BLACAT1: variants seen among roughly 807,000 people sequenced by gnomAD.
The protein encoded by BLACAT1 is bladder cancer associated transcript 1.
At chr1:205,452,361 A>G (rs1558747931) in intron 1 of BLACAT1, among the ~76,000 whole-genome samples, 1 of 152,138 alleles carries the variant, frequency 6.6e-6, no homozygotes, top group African/African-American at 2.4e-5. Context: ...TTTGCCAGAA[A>G]AGTGAACCAT....
chr1:205,438,918 C>A (rs74490805), downstream of BLACAT1, among the ~76,000 whole-genome samples: 2 of 152,170 alleles, frequency 1.3e-5, no homozygotes, highest in Non-Finnish European at 2.9e-5. Context: ...AAGCTCTCCT[C>A]GGCCACCCGC....
At chr1:205,438,812 G>A (rs375368893), downstream of BLACAT1, among the ~76,000 whole-genome samples, 20 of 152,226 alleles carry the variant, frequency 1.3e-4, no homozygotes, top group East Asian at 3.1e-3. Flanking sequence ...CTGGAGCCAA[G>A]GGAGTTCTCC....
chr1:205,446,778 C>T (rs1666396003), intron 1 of BLACAT1, among the ~76,000 whole-genome samples: 1 of 152,156 alleles, frequency 6.6e-6, no homozygotes, highest in Non-Finnish European at 1.5e-5. Context: ...GGTGAGAGAA[C>T]CCAGAGGGCA....
At chr1:205,444,362 C>A (rs1666348590) in intron 1 of BLACAT1, among the ~76,000 whole-genome samples, 1 of 152,028 alleles carries the variant, frequency 6.6e-6, no homozygotes, top group African/African-American at 2.4e-5. Context: ...GGTCTGGGGG[C>A]ACAGACGATG....
downstream of BLACAT1, among the ~76,000 whole-genome samples, chr1:205,438,235 T>A (rs144600058): frequency 3.0e-3 from 454 of 152,262 alleles, 2 homozygotes; most frequent in African/African-American, 0.011. Flanking sequence ...CAAGGAGGAA[T>A]CAGTGCCACG....
At chr1:205,443,843 C>A (rs924474236) in intron 1 of BLACAT1, among the ~76,000 whole-genome samples, 1 of 152,186 alleles carries the variant, frequency 6.6e-6, no homozygotes, top group African/African-American at 2.4e-5. Flanking sequence ...CGTATCCCTG[C>A]CCGCTGTGAA....
intron 1 of BLACAT1, among the ~76,000 whole-genome samples, chr1:205,454,527 A>AGTGTGTGTGTGT (rs746207549): frequency 6.7e-6 from 1 of 149,074 alleles, no homozygotes; most frequent in African/African-American, 2.5e-5. Flanking sequence ...ATCTGGTGTG[A>AGTGTGTGTGTGT]GTGTGTGTGT....
chr1:205,443,518 C>G (rs1377016941), intron 1 of BLACAT1, among the ~76,000 whole-genome samples: 2 of 152,108 alleles, frequency 1.3e-5, no homozygotes, highest in African/African-American at 4.8e-5. Flanking sequence ...ATGAAGCTGG[C>G]CAGGAGCTGG....
At chr1:205,443,110 G>A (rs904750750) in intron 1 of BLACAT1, among the ~76,000 whole-genome samples, 6 of 152,106 alleles carry the variant, frequency 3.9e-5, no homozygotes, top group African/African-American at 1.4e-4. Context: ...TCTCTTGCTG[G>A]GGATATAAGT....
At chr1:205,451,721 A>T (rs1244431506) in intron 1 of BLACAT1, among the ~76,000 whole-genome samples, 7 of 152,174 alleles carry the variant, frequency 4.6e-5, no homozygotes, top group Non-Finnish European at 1.0e-4. Flanking sequence ...TCAATGGGAG[A>T]AAAAAGGCGA....
At chr1:205,444,463 C>T (rs1331567971) in intron 1 of BLACAT1, among the ~76,000 whole-genome samples, 1 of 152,022 alleles carries the variant, frequency 6.6e-6, no homozygotes, top group East Asian at 1.9e-4. Context: ...GTTCCTCGGC[C>T]TCCCTGCTGA....
At chr1:205,436,133 AT>A (rs1456592550), downstream of BLACAT1, 5 of 152,402 alleles carry the variant, frequency 3.3e-5, no homozygotes, top group Non-Finnish European at 1.5e-5. Flanking sequence ...CGCCCCTCAG[AT>A]GGAACACGGG....
At chr1:205,438,992 C>A (rs1401382507), downstream of BLACAT1, among the ~76,000 whole-genome samples, 1 of 152,232 alleles carries the variant, frequency 6.6e-6, no homozygotes, top group Non-Finnish European at 1.5e-5. Context: ...GTGGTCAGGA[C>A]ATAACACCCA....
intron 1 of BLACAT1, among the ~76,000 whole-genome samples, chr1:205,443,859 C>T (rs1214231244): frequency 6.6e-6 from 1 of 152,196 alleles, no homozygotes; most frequent in Non-Finnish European, 1.5e-5. Context: ...GTGAACCCCA[C>T]TCCTCCCTCA....
chr1:205,454,044 C>A (rs2102482015), intron 1 of BLACAT1, among the ~76,000 whole-genome samples: 1 of 152,300 alleles, frequency 6.6e-6, no homozygotes, highest in East Asian at 1.9e-4. Context: ...CTCCCAAGCC[C>A]CTGTGGAGTA....
At chr1:205,444,262 T>C (rs908755391) in intron 1 of BLACAT1, among the ~76,000 whole-genome samples, 5 of 152,170 alleles carry the variant, frequency 3.3e-5, no homozygotes, top group Admixed American at 6.5e-5. Context: ...TACCACACAG[T>C]TGGCTGCATC....
In BLACAT1 at chr1:205,448,491, C is replaced by T. The variant is rs569003355; in HGVS notation, c.-37+7426G>A. 25 of 468,400 alleles carry T rather than the reference C, an allele frequency of 5.3e-5. No individual in the cohort carries two copies. The highest frequency in any genetic ancestry group is 3.4e-4 in the South Asian group (22 of 65,182). 29.0% of individuals were successfully genotyped at this position (468,400 alleles called of 1,614,324 possible). A position where few individuals can be genotyped will look rare whatever the true frequency, so the allele number is the denominator to read the frequency against. On this transcript the variant is annotated intron_variant, in intron 1 of 1. Coordinates refer to ENST00000629624, the Ensembl canonical transcript of BLACAT1. The surrounding 1 kb of genome is among the most constrained non-coding windows in gnomAD (Gnocchi z 4.7). ...CCTTCTCAGCACCCCCGACCCCAGA[C>T]CCACCCACACTGCCTCCCTCCAGGA...
At chr1:205,437,980 A>G (rs1269253203), downstream of BLACAT1, 1 of 152,186 alleles carries the variant, frequency 6.6e-6, no homozygotes, top group Non-Finnish European at 1.5e-5. Context: ...CATATGCTAC[A>G]TGCAAAAAGC....
chr1:205,451,352 C>T (rs1666494831), intron 1 of BLACAT1, among the ~76,000 whole-genome samples: 1 of 152,222 alleles, frequency 6.6e-6, no homozygotes, highest in African/African-American at 2.4e-5. Context: ...CCTCCCTAGC[C>T]CTCAGGTACT....
Sources: allele counts gnomAD v4.1 joint callset (sites outside exome capture counted in the v4.1 genomes callset), GRCh38; gene constraint gnomAD v4.1.1; non-coding constraint Gnocchi (gnomAD v3.1); transcripts MANE v1.5; gene names NCBI Gene and HGNC (gene_info 2026-07-23, HGNC 2026-07-21).